MYH10: variants seen among roughly 807,000 people sequenced by gnomAD.
The protein encoded by MYH10 is myosin heavy chain 10.
Under a neutral mutation model 257.8 loss-of-function variants are expected in MYH10, and 55 were observed. That is an observed-to-expected ratio of 0.21 (90% CI 0.17 to 0.27). The LOEUF is 0.27. MYH10 is among the 10% of genes least tolerant of loss of function. The probability of loss-of-function intolerance (pLI) is 1.00; values close to 1 mark genes in which losing one functional copy is unlikely to be tolerated. For synonymous variants in MYH10, 854 were observed against 921.7 expected (o/e 0.93, Z 1.33); for missense variants, 1,631 against 2,500.6 (o/e 0.65, Z 7.42).
chr17:8,527,351 C>T (rs1480427061), intron 17 of MYH10, among the ~76,000 whole-genome samples: 3 of 152,198 alleles, frequency 2.0e-5, no homozygotes, highest in East Asian at 3.8e-4. Context: ...ACTTGAATGT[C>T]TCCCTTATTT....
chr17:8,511,362 A>G (rs1322931335), intron 24 of MYH10, among the ~76,000 whole-genome samples: 1 of 152,078 alleles, frequency 6.6e-6, no homozygotes, highest in Admixed American at 6.5e-5. Flanking sequence ...TCTACTAAAA[A>G]TACAAAAATT....
chr17:8,624,832 G>A (rs1004118009), intron 1 of MYH10, among the ~76,000 whole-genome samples: 1 of 152,190 alleles, frequency 6.6e-6, no homozygotes, highest in Non-Finnish European at 1.5e-5. Flanking sequence ...GGTGGGAGGA[G>A]TGCTTGAAGC....
chr17:8,629,940 C>G (rs942875227), intron 1 of MYH10, among the ~76,000 whole-genome samples: 2 of 151,912 alleles, frequency 1.3e-5, no homozygotes, highest in African/African-American at 2.4e-5. Context: ...GGCTCCGGAG[C>G]CCCTCACCCG....
rs974668954 is a variant in MYH10 at position 8,475,031 on chromosome 17, G to A, written c.*773C>T. The A allele has an allele frequency of 1.3e-5, 2 of 152,476 alleles. No individual in the cohort carries two copies. Among genetic ancestry groups the A allele is most frequent in the African/African-American group, 4.8e-5 (2 of 41,446 alleles). The allele number at this position is 152,476 out of a possible 1,614,324, so 9.4% of individuals were successfully genotyped here. On this transcript the variant is annotated 3_prime_UTR_variant, in exon 43 of 43. Coordinates refer to ENST00000360416, the MANE Select transcript of MYH10 (RefSeq NM_001256012.3). ...AGGAGGGCGCCGGCAGAGCCAGGCG[G>A]TTCGGGAGACCATCTGGAAGTCTAC...
chr17:8,533,175 C>T (rs1463271432), intron 16 of MYH10, among the ~76,000 whole-genome samples: 1 of 152,166 alleles, frequency 6.6e-6, no homozygotes, highest in African/African-American at 2.4e-5. Flanking sequence ...CTCCAATCTA[C>T]CCAAAACACA....
At position 8,552,180 on chromosome 17, in the gene MYH10, A is replaced by T; in HGVS notation, c.821-36T>A. On this transcript the variant is annotated intron_variant, in intron 8 of 42. Transcript: ENST00000360416. The surrounding 1 kb of genome is among the most constrained non-coding windows in gnomAD (Gnocchi z 4.8). ...ACAGTTAAGAATTAAATTATTTAAT[A>T]TAATTCTTAAATAAATAAAGGCCCT... is the stretch of plus-strand genomic sequence containing the variant. 6.2e-6 allele frequency: 7 copies of T among 1,127,076 alleles called. No homozygotes were observed. The highest frequency in any genetic ancestry group is 8.5e-6 in the Non-Finnish European group (7 of 818,724). 69.8% of individuals were successfully genotyped at this position (1,127,076 alleles called of 1,614,324 possible). A position where few individuals can be genotyped will look rare whatever the true frequency, so the allele number is the denominator to read the frequency against.
chr17:8,475,738 C>T lies in MYH10; in HGVS notation c.*66G>A. The T allele has an allele frequency of 1.3e-6, 2 of 1,553,274 alleles. No individual in the cohort carries two copies. Among genetic ancestry groups the T allele is most frequent in the Non-Finnish European group, 1.7e-6 (2 of 1,145,292 alleles). On this transcript the variant is annotated 3_prime_UTR_variant, in exon 43 of 43. Transcript: ENST00000360416. ...CCCGTAGCTTGCCAATTTCCGAAAT[C>T]TGCAGGAGGCCCCGGGTGCATTCCT...
chr17:8,480,628 G>A (rs773534071), intron 38 of MYH10, 103 bp from the exon 39 acceptor site: 138 of 1,488,010 alleles, frequency 9.3e-5, no homozygotes, highest in Non-Finnish European at 1.2e-4. Flanking sequence ...AACCTGAGCA[G>A]CCATCCTGAA....
At chr17:8,487,304 G>T in intron 36 of MYH10, 129 bp downstream of exon 36, 1 of 1,045,310 alleles carries the variant, frequency 9.6e-7, no homozygotes. Context: ...CTCTCTTTAT[G>T]GCCTGCTGCC....
At chr17:8,583,708 T>C (rs2083793813) in intron 4 of MYH10, among the ~76,000 whole-genome samples, 1 of 152,258 alleles carries the variant, frequency 6.6e-6, no homozygotes, top group Non-Finnish European at 1.5e-5. Context: ...CTAGCAGGAA[T>C]CAACTGTTCT....
Position 8,499,334 on chromosome 17 carries a change from T to C in MYH10, c.3887A>G (p.His1296Arg). Reference protein sequence around the residue: ...KKLDAQVQELHAKVSEGDRLR... With the variant: ...KKLDAQVQELRAKVSEGDRLR... ...CCTGTCGCCTTCAGAGACCTTGGCA[T>C]GGAGCTCCTGGACCTGCGCGTCGAG... The change falls in exon 30 of 43, where the codon CAT becomes CGT. Residue 1296 changes from histidine to arginine, a missense_variant. Physicochemically the swap from His to Arg is conservative, Grantham distance 29. Transcript: ENST00000360416. 6.2e-6 allele frequency: 10 copies of C among 1,614,148 alleles called. No individual in the cohort carries two copies. The highest frequency in any genetic ancestry group is 7.6e-6 in the Non-Finnish European group (9 of 1,180,026).
rs571658778 is a variant in MYH10, at chr17:8,582,089, G to C, written c.531-4751C>G. On this transcript the variant is annotated intron_variant, in intron 4 of 42. Coordinates refer to ENST00000360416, the MANE Select transcript of MYH10 (RefSeq NM_001256012.3). ...TATGATAATGATCAATGATGATGAT[G>C]ATGAAGATGGTAATGGAAATTTTTA... Among the ~76,000 whole-genome samples, 129 of 152,336 alleles carry C rather than the reference G, an allele frequency of 8.5e-4. 1 individual carries two copies. The highest frequency in any genetic ancestry group is 2.7e-3 in the African/African-American group (112 of 41,580).
At chr17:8,603,621 TACAA>T (rs941432727) in intron 3 of MYH10, among the ~76,000 whole-genome samples, 24 of 152,150 alleles carry the variant, frequency 1.6e-4, no homozygotes, top group Non-Finnish European at 2.9e-5. Context: ...TGCTCACTAA[TACAA>T]ACACTCTTCT....
At position 8,604,852 on chromosome 17, in the gene MYH10, T is replaced by G; in HGVS notation, c.476A>C (p.Glu159Ala). 6.3e-7 allele frequency: 1 copy of G among 1,580,866 alleles called. No individual in the cohort carries two copies. The highest frequency in any genetic ancestry group is 8.6e-7 in the Non-Finnish European group (1 of 1,163,804). The change falls in exon 3 of 43, where the codon GAA becomes GCA. Residue 159 changes from glutamate (E) to alanine (A), a missense_variant. Physicochemically the swap from Glu to Ala is moderately radical, Grantham distance 107. Coordinates refer to ENST00000360416, the MANE Select transcript of MYH10 (RefSeq NM_001256012.3). ...TTGAAGCATGCATCTGTAAGCAGAT[T>G]CAGATATAGCATAGATGTGTGGAGG... ...EMPPHIYAISESAYRCMLQDR... is the reference protein window; with the variant it reads ...EMPPHIYAISASAYRCMLQDR...
In MYH10 at chr17:8,497,040, TA is replaced by T. The variant is rs1370702962; in HGVS notation, c.3952-1800del. ...TGTCAGGACTCACTGCTGGAGGAAT[TA>T]AGCACGTGCTGTGTGACTCCGCTGG... On this transcript the variant is annotated intron_variant, in intron 30 of 42. Coordinates refer to ENST00000360416, the MANE Select transcript of MYH10 (RefSeq NM_001256012.3). Among the ~76,000 whole-genome samples the T allele has an allele frequency of 4.6e-5, 7 of 152,324 alleles. No individual in the cohort carries two copies. The South Asian group carries it at 1.5e-3, about 32-fold the overall frequency.
Position 8,552,047 on chromosome 17 carries a change from C to T in MYH10, c.918G>A (p.Lys306=). 1 of 1,497,772 alleles carries T rather than the reference C, an allele frequency of 6.7e-7. No individual in the cohort carries two copies. Among genetic ancestry groups the T allele is most frequent in the African/African-American group, 1.4e-5 (1 of 72,074 alleles). The allele number at this position is 1,497,772 out of a possible 1,614,324, so 92.8% of individuals were successfully genotyped here. ...QLLSGAGEHL[K]SDLLLEGFNN... ...ATAGTAAAAACCTTTGTAACTTACA[C>T]TTTAGGTGTTCTCCTGCTCCAGATA... Residue 306 remains lysine, a splice_region_variant and synonymous_variant, in exon 9 of 43, where the codon AAG becomes AAA. Transcript: ENST00000360416. The surrounding 1 kb of genome is among the most constrained non-coding windows in gnomAD (Gnocchi z 4.8).
chr17:8,498,613 T>C (rs1285045543), intron 30 of MYH10, among the ~76,000 whole-genome samples: 4 of 152,072 alleles, frequency 2.6e-5, no homozygotes, highest in Middle Eastern at 3.4e-3. Context: ...TTTGGGAGGC[T>C]GAGGGGGGCG....
intron 3 of MYH10, among the ~76,000 whole-genome samples, chr17:8,602,352 C>T (rs1051800288): frequency 6.6e-6 from 1 of 152,168 alleles, no homozygotes; most frequent in African/African-American, 2.4e-5. Context: ...AGTGGGGCCA[C>T]GTGCTCTGAA....
chr17:8,626,542 C>T (rs7218711), intron 1 of MYH10, among the ~76,000 whole-genome samples: 12 of 149,526 alleles, frequency 8.0e-5, no homozygotes, highest in African/African-American at 2.5e-4. Flanking sequence ...ACTCCAGCCT[C>T]GGCAACAGAA....
Sources: gnomAD v4.1 joint callset for allele counts (sites outside exome capture counted in the v4.1 genomes callset) on GRCh38, gnomAD v4.1.1 for gene constraint, Gnocchi (gnomAD v3.1) non-coding constraint, MANE v1.5 for transcripts, NCBI Gene and HGNC (gene_info 2026-07-23, HGNC 2026-07-21) for gene names.